The following AHRR variants were observed in gnomAD, a reference collection of about 807,000 sequenced individuals.
AHRR encodes the protein aryl hydrocarbon receptor repressor, also known as ahR repressor.
A neutral mutation model predicts 44.0 loss-of-function variants in AHRR; 28 were observed. That is an observed-to-expected ratio of 0.64 (90% CI 0.47 to 0.87). AHRR has a LOEUF of 0.87. AHRR is among the 40% of genes least tolerant of loss of function. The pLI is 0.00. For missense variants in AHRR, 990 were observed against 953.9 expected (o/e 1.04, Z -0.50); for synonymous variants, 434 against 407.0 (o/e 1.07, Z -0.80).
intron 4 of AHRR, among the ~76,000 whole-genome samples, chr5:392,748 T>G (rs11134017): frequency 1.3e-5 from 2 of 152,008 alleles, no homozygotes; most frequent in South Asian, 2.1e-4. Context: ...TCTTCAGACC[T>G]GGCTCATTTC....
At chr5:361,224 A>T (rs929215197) in intron 3 of AHRR, among the ~76,000 whole-genome samples, 3 of 152,210 alleles carry the variant, frequency 2.0e-5, no homozygotes, top group Non-Finnish European at 2.9e-5. Flanking sequence ...TGGGCGACAG[A>T]GCAAGACTCC....
intron 6 of AHRR, 69 bp downstream of exon 6, chr5:422,927 G>A (rs780539586): frequency 7.0e-5 from 106 of 1,520,178 alleles, no homozygotes; most frequent in Non-Finnish European, 8.9e-5. Context: ...GCTGCCTCTG[G>A]AAATGACCCT....
intron 4 of AHRR, among the ~76,000 whole-genome samples, chr5:408,589 A>C (rs1352387765): frequency 6.6e-6 from 1 of 152,122 alleles, no homozygotes; most frequent in African/African-American, 2.4e-5. Context: ...CTATTTCTTA[A>C]TATTTCATTT....
chr5:410,274 A>G (rs3974190), intron 4 of AHRR, among the ~76,000 whole-genome samples: 126,659 of 152,212 alleles, frequency 0.83, 53,282 homozygotes, highest in Non-Finnish European at 0.89. Context: ...TCAACTCACT[A>G]CAGCCTCGAT....
At chr5:385,517 C>A (rs1288956024) in intron 4 of AHRR, among the ~76,000 whole-genome samples, 5 of 152,086 alleles carry the variant, frequency 3.3e-5, no homozygotes, top group African/African-American at 1.2e-4. Flanking sequence ...GTATAGAATT[C>A]TGGGTAGTTA....
Position 404,184 on chromosome 5 carries a change from G to A in AHRR, c.352-9160G>A. The A allele has an allele frequency of 1.9e-6, 1 of 532,322 alleles. No homozygotes were observed. Among genetic ancestry groups the A allele is most frequent in the Non-Finnish European group, 3.6e-6 (1 of 275,532 alleles). 33.0% of individuals were successfully genotyped at this position (532,322 alleles called of 1,614,324 possible). On this transcript the variant is annotated intron_variant, in intron 4 of 10. Coordinates refer to ENST00000684583, the MANE Select transcript of AHRR (RefSeq NM_001377236.1). The surrounding 1 kb of genome is among the most constrained non-coding windows in gnomAD (Gnocchi z 4.1). ...GGGTCTGCATTCCTGTCACGAGCTG[G>A]TCTTCTGCAGCCTTTGAACCCGTCG...
chr5:368,332 C>T (rs1055174757), intron 3 of AHRR, among the ~76,000 whole-genome samples: 1 of 152,124 alleles, frequency 6.6e-6, no homozygotes, highest in African/African-American at 2.4e-5. Flanking sequence ...TGGCTGTGGC[C>T]GCGTGGGGTT....
intron 5 of AHRR, chr5:420,958 G>A (rs1477448712): frequency 4.7e-6 from 1 of 211,436 alleles, no homozygotes; most frequent in South Asian, 5.1e-5. Context: ...GCGCACATAC[G>A]CTGGCACCGC....
chr5:360,276 G>C (rs1278967767), intron 3 of AHRR, among the ~76,000 whole-genome samples: 1 of 152,258 alleles, frequency 6.6e-6, no homozygotes, highest in Non-Finnish European at 1.5e-5. Context: ...GCTGGAAAGA[G>C]AGCCCTCACC....
chr5:368,718 CT>C (rs1475677663), intron 3 of AHRR, among the ~76,000 whole-genome samples: 1 of 152,240 alleles, frequency 6.6e-6, no homozygotes, highest in Non-Finnish European at 1.5e-5. Context: ...CAGAGCCCCC[CT>C]GAGGCCCCCG....
At chr5:334,134 T>C (rs1214923733) in intron 1 of AHRR, among the ~76,000 whole-genome samples, 2 of 152,170 alleles carry the variant, frequency 1.3e-5, no homozygotes, top group Non-Finnish European at 2.9e-5. Flanking sequence ...GCTTTTCTCT[T>C]GATTTTAGAA....
chr5:391,487 C>A lies in AHRR; in HGVS notation c.351+14771C>A, dbSNP rs112789866. 7.0e-3 allele frequency among the ~76,000 whole-genome samples: 363 copies of A among 51,890 alleles called. 30 individuals are homozygous for A. Among genetic ancestry groups the A allele is most frequent in the East Asian group, 0.024 (42 of 1,756 alleles). The allele number at this position is 51,890 out of a possible 152,430, so 34.0% of individuals were successfully genotyped here. A position where few individuals can be genotyped will look rare whatever the true frequency, so the allele number is the denominator to read the frequency against. On this transcript the variant is annotated intron_variant, in intron 4 of 10. Coordinates refer to ENST00000684583, the MANE Select transcript of AHRR (RefSeq NM_001377236.1). ...GAGCGTGCACGGGGGCAGGGCGAGG[C>A]GGGCGCAGGGTGAGGCAGGGCCAGA...
chr5:378,420 A>C (rs1733837157), intron 4 of AHRR, among the ~76,000 whole-genome samples: 2 of 152,134 alleles, frequency 1.3e-5, no homozygotes, highest in African/African-American at 4.8e-5. Flanking sequence ...GCTTCTGTTT[A>C]TTTATTTATT....
At chr5:414,692 TAAC>T (rs930862092) in intron 5 of AHRR, among the ~76,000 whole-genome samples, 30 of 151,956 alleles carry the variant, frequency 2.0e-4, no homozygotes, top group African/African-American at 6.5e-4. Flanking sequence ...CAATAAAAGA[TAAC>T]AGCAGCAATA....
intron 4 of AHRR, among the ~76,000 whole-genome samples, chr5:379,002 C>T (rs1733863453): frequency 6.6e-6 from 1 of 152,196 alleles, no homozygotes; most frequent in Non-Finnish European, 1.5e-5. Flanking sequence ...AGATTCAGAG[C>T]CATCCCCTCC....
chr5:346,495 A>G (rs2721024), intron 2 of AHRR, among the ~76,000 whole-genome samples: 107,699 of 152,208 alleles, frequency 0.71, 38,705 homozygotes, highest in African/African-American at 0.77. Context: ...CAGCTGTGTG[A>G]CAAAGCTATT....
chr5:376,560 G>GAATGAATAAGAGCC, intron 3 of AHRR, 50 bp from the exon 4 acceptor site: 1 of 194,300 alleles, frequency 5.1e-6, no homozygotes, highest in Non-Finnish European at 9.3e-6. Flanking sequence ...GAAGAAGAGT[G>GAATGAATAAGAGCC]GCCAGGCCAA....
At chr5:412,266 AAAAT>A (rs1051117902) in intron 4 of AHRR, among the ~76,000 whole-genome samples, 2 of 152,266 alleles carry the variant, frequency 1.3e-5, no homozygotes, top group African/African-American at 2.4e-5. Context: ...TAATGTAAAA[AAAAT>A]AAATAACTTG....
At position 326,569 on chromosome 5, in the gene AHRR, C is replaced by A. The variant is rs74705660; in HGVS notation, c.-11+4750C>A. On this transcript the variant is annotated intron_variant, in intron 1 of 10. Transcript: ENST00000684583. The surrounding 1 kb of genome is among the most constrained non-coding windows in gnomAD (Gnocchi z 4.1). ...ATTTGTATGCAGGTTTCTGTTAGAACAAATGCTTTTACTTCTGTTAGGTGT... is the reference window on the plus strand; with the variant it reads ...ATTTGTATGCAGGTTTCTGTTAGAAAAAATGCTTTTACTTCTGTTAGGTGT... 2.5e-3 allele frequency among the ~76,000 whole-genome samples: 377 copies of A among 152,286 alleles called. 1 individual carries two copies. The highest frequency in any genetic ancestry group is 6.8e-3 in the Middle Eastern group (2 of 294).
Sources: allele counts gnomAD v4.1 joint callset (sites outside exome capture counted in the v4.1 genomes callset), GRCh38; gene constraint gnomAD v4.1.1; non-coding constraint Gnocchi (gnomAD v3.1); transcripts MANE v1.5; gene names NCBI Gene and HGNC (gene_info 2026-07-23, HGNC 2026-07-21).